LAMP1: variants seen among roughly 807,000 people sequenced by gnomAD.
LAMP1 encodes the protein lysosome associated membrane protein 1.
LAMP1 carries 7 observed loss-of-function variants against 37.5 expected under a neutral mutation model. The ratio of observed to expected loss-of-function variants is 0.19; its 90% CI spans 0.11 to 0.35. The LOEUF (loss-of-function observed/expected upper bound fraction) is 0.35. Ranked by LOEUF, LAMP1 falls within the 10% of genes least tolerant of loss-of-function variation. The pLI is 1.00. For missense variants in LAMP1, 537 were observed against 552.8 expected (o/e 0.97, Z 0.29); for synonymous variants, 236 against 229.1 (o/e 1.03, Z -0.27).
intron 4 of LAMP1, among the ~76,000 whole-genome samples, chr13:113,311,546 C>G (rs1467071711): frequency 1.3e-5 from 2 of 152,182 alleles, no homozygotes; most frequent in African/African-American, 2.4e-5. Context: ...TATCTCCATC[C>G]AGCTCTGGCC....
Position 113,323,199 on chromosome 13 carries a change from C to T in LAMP1, c.*778C>T, listed in dbSNP as rs754290171. 6.6e-6 allele frequency: 1 copy of T among 152,176 alleles called. No individual in the cohort carries two copies. The highest frequency in any genetic ancestry group is 1.5e-5 in the Non-Finnish European group (1 of 68,050). The allele number at this position is 152,176 out of a possible 1,614,324, so 9.4% of individuals were successfully genotyped here. A position where few individuals can be genotyped will look rare whatever the true frequency, so the allele number is the denominator to read the frequency against. On this transcript the variant is annotated 3_prime_UTR_variant, in exon 9 of 9. Coordinates refer to ENST00000332556, the MANE Select transcript of LAMP1 (RefSeq NM_005561.4). Reference sequence around the variant, plus strand: ...CCTTGGGCGTCTCTAATGTCTGCAGCTCAAGGGCTGGCACTTTTTTAAATA... The same window carrying T: ...CCTTGGGCGTCTCTAATGTCTGCAGTTCAAGGGCTGGCACTTTTTTAAATA...
At chr13:113,299,442 T>A (rs1237059836) in intron 1 of LAMP1, among the ~76,000 whole-genome samples, 1 of 151,950 alleles carries the variant, frequency 6.6e-6, no homozygotes, top group Non-Finnish European at 1.5e-5. Context: ...TTTATGTATT[T>A]TTGGTAGAGA....
intron 1 of LAMP1, chr13:113,305,071 G>T (rs1319138317): frequency 1.3e-5 from 2 of 152,244 alleles, no homozygotes; most frequent in African/African-American, 2.4e-5. Flanking sequence ...TTGCTGTAAA[G>T]ATTTTATTTT....
chr13:113,318,684 G>GC (rs1056958688), intron 4 of LAMP1, among the ~76,000 whole-genome samples: 4 of 152,014 alleles, frequency 2.6e-5, no homozygotes, highest in Non-Finnish European at 4.4e-5. Context: ...GGTGCCATGT[G>GC]CCCCCCCACC....
intron 4 of LAMP1, among the ~76,000 whole-genome samples, chr13:113,315,414 G>A (rs749520605): frequency 7.9e-4 from 113 of 143,448 alleles, no homozygotes; most frequent in Non-Finnish European, 1.4e-3. Flanking sequence ...TTTTGAGAGG[G>A]AGTCTTGCTC....
chr13:113,318,483 G>A (rs1688731694), intron 4 of LAMP1, among the ~76,000 whole-genome samples: 1 of 152,180 alleles, frequency 6.6e-6, no homozygotes, highest in Admixed American at 6.5e-5. Flanking sequence ...CAGAAACAAG[G>A]TGGTAAAAGA....
chr13:113,300,693 C>T (rs937494327), intron 1 of LAMP1, among the ~76,000 whole-genome samples: 1 of 151,868 alleles, frequency 6.6e-6, no homozygotes, highest in Non-Finnish European at 1.5e-5. Context: ...TGGCACAGGC[C>T]TGTAGTCCCA....
intron 1 of LAMP1, among the ~76,000 whole-genome samples, chr13:113,304,535 G>A (rs572852637): frequency 2.6e-5 from 4 of 152,312 alleles, no homozygotes; most frequent in South Asian, 2.1e-4. Flanking sequence ...TGGAAATGCC[G>A]TTAGTATGAT....
intron 2 of LAMP1, among the ~76,000 whole-genome samples, chr13:113,308,817 G>A (rs999434586): frequency 1.1e-4 from 17 of 152,064 alleles, no homozygotes; most frequent in Non-Finnish European, 2.1e-4. Context: ...GCCCACGTTA[G>A]TATACTGCTT....
Position 113,320,468 on chromosome 13 carries a change from A to G in LAMP1, c.874A>G (p.Met292Val). The G allele has an allele frequency of 6.2e-7, 1 of 1,607,074 alleles. No individual in the cohort carries two copies. Among genetic ancestry groups the G allele is most frequent in the Non-Finnish European group, 8.5e-7 (1 of 1,179,772 alleles). Residue 292 changes from methionine (M) to valine (V), a missense_variant and splice_region_variant, in exon 6 of 9, where the codon ATG becomes GTG. Met to Val is a conservative substitution (Grantham distance 21). Coordinates refer to ENST00000332556, the MANE Select transcript of LAMP1 (RefSeq NM_005561.4). This position sits in a 1 kb window ranked among gnomAD's most constrained non-coding sequence, Gnocchi z 4.4. ...CACCGTCCTGCTCTTCCAGTTCGGG[A>G]TGGTGAGGCTGGGGCGGCACCTCTC... The part of the protein sequence containing the change: ...GTTVLLFQFG[M>V]NASSSRFFLQ...
chr13:113,309,342 C>G (rs2042616898), intron 2 of LAMP1, among the ~76,000 whole-genome samples: 1 of 152,164 alleles, frequency 6.6e-6, no homozygotes, highest in South Asian at 2.1e-4. Context: ...CTCAAGCAAT[C>G]CCCCCACCTC....
intron 3 of LAMP1, 143 bp from the exon 4 acceptor site, chr13:113,310,566 A>G: frequency 1.3e-6 from 1 of 758,398 alleles, no homozygotes; most frequent in Non-Finnish European, 2.1e-6. Context: ...AAGTACTATA[A>G]GTAGTTTGCA....
chr13:113,322,240 C>T, intron 8 of LAMP1, 42 bp from the exon 9 acceptor site: 4 of 1,577,476 alleles, frequency 2.5e-6, no homozygotes, highest in Non-Finnish European at 3.5e-6. Flanking sequence ...TTGCAGGCCC[C>T]TGTGTGAGCA....
At position 113,320,736 on chromosome 13, in the gene LAMP1, T is replaced by G. The variant is rs2042693593; in HGVS notation, c.876+266T>G. The G allele has an allele frequency of 4.3e-5, 20 of 467,722 alleles. No individual in the cohort carries two copies. In the South Asian group the frequency reaches 6.2e-4, roughly 15 times the overall value. The allele number at this position is 467,722 out of a possible 1,614,324, so 29.0% of individuals were successfully genotyped here. A position where few individuals can be genotyped will look rare whatever the true frequency, so the allele number is the denominator to read the frequency against. ...AGGGCATGCAGGCCGTGCGGCCTTC[T>G]GGCTTCAGATGCTGCTGCCCTGTGG... On this transcript the variant is annotated intron_variant, in intron 6 of 8. Transcript: ENST00000332556. The surrounding 1 kb of genome is among the most constrained non-coding windows in gnomAD (Gnocchi z 4.4).
intron 1 of LAMP1, among the ~76,000 whole-genome samples, chr13:113,299,890 T>C (rs992618164): frequency 3.3e-5 from 5 of 152,148 alleles, no homozygotes; most frequent in Admixed American, 6.6e-5. Flanking sequence ...AAAAGGCCTT[T>C]TAACAACTTG....
At chr13:113,306,349 G>A (rs1178458505) in intron 1 of LAMP1, 136 bp from the exon 2 acceptor site, 15 of 828,832 alleles carry the variant, frequency 1.8e-5, no homozygotes, top group East Asian at 9.0e-5. Context: ...GTGAGACTCC[G>A]TCTCAAAAAA....
At chr13:113,307,872 T>C (rs770399629) in intron 2 of LAMP1, among the ~76,000 whole-genome samples, 2 of 148,648 alleles carry the variant, frequency 1.3e-5, no homozygotes, top group South Asian at 4.2e-4. Flanking sequence ...GGTGGGAGGA[T>C]TGCTTGAGCC....
Position 113,297,883 on chromosome 13 carries a change from G to T in LAMP1, c.61+388G>T, listed in dbSNP as rs1407645666. Reference sequence around the variant, plus strand: ...ATCTAGACGAGGCTGCGCCGCCGAAGGTGGCAGGGACGTCTGTGGTCTCAG... The same window carrying T: ...ATCTAGACGAGGCTGCGCCGCCGAATGTGGCAGGGACGTCTGTGGTCTCAG... On this transcript the variant is annotated intron_variant, in intron 1 of 8. Transcript: ENST00000332556. The surrounding 1 kb of genome is among the most constrained non-coding windows in gnomAD (Gnocchi z 4.4). Among the ~76,000 whole-genome samples, 1 of 152,194 alleles carries T rather than the reference G, an allele frequency of 6.6e-6. No individual in the cohort carries two copies.
At chr13:113,308,076 A>G (rs374634454) in intron 2 of LAMP1, among the ~76,000 whole-genome samples, 7 of 151,820 alleles carry the variant, frequency 4.6e-5, no homozygotes, top group African/African-American at 1.7e-4. Context: ...GTACAGTGCC[A>G]AGATCTCGGC....
Sources: gnomAD v4.1 joint callset for allele counts (sites outside exome capture counted in the v4.1 genomes callset) on GRCh38, gnomAD v4.1.1 for gene constraint, Gnocchi (gnomAD v3.1) non-coding constraint, MANE v1.5 for transcripts, NCBI Gene and HGNC (gene_info 2026-07-23, HGNC 2026-07-21) for gene names.